Variants in DNM3 observed in about 807,000 individuals in gnomAD.
DNM3 encodes dynamin 3, also known as dynamin-3.
Under a neutral mutation model 101.6 loss-of-function variants are expected in DNM3, and 47 were observed. The ratio of observed to expected loss-of-function variants is 0.46; its 90% CI spans 0.37 to 0.59. The LOEUF is 0.59. Among genes scored for constraint, DNM3 ranks in the 20% least tolerant of loss-of-function variants. The pLI, the probability that DNM3 is intolerant of heterozygous loss-of-function variation, is 0.00. For synonymous variants in DNM3, 385 were observed against 387.9 expected, an observed-to-expected ratio of 0.99 and a Z score of 0.09; for missense variants, 849 against 1,085.7, an observed-to-expected ratio of 0.78 and a Z score of 3.06.
At chr1:172,009,117 C>T (rs1219492058) in intron 4 of DNM3, among the ~76,000 whole-genome samples, 24 of 125,128 alleles carry the variant, frequency 1.9e-4, no homozygotes, top group African/African-American at 1.5e-4. Flanking sequence ...TATTATATAT[C>T]ATATAATATA....
intron 7 of DNM3, 78 bp from the exon 8 acceptor site, chr1:172,041,931 A>C (rs1443966666): frequency 2.0e-6 from 3 of 1,464,128 alleles, no homozygotes; most frequent in Non-Finnish European, 2.7e-6. Context: ...ATTCTAAGGA[A>C]TAATCATAGG....
At chr1:172,378,242 C>G (rs2068714548) in intron 17 of DNM3, 1 of 152,036 alleles carries the variant, frequency 6.6e-6, no homozygotes, top group Non-Finnish European at 1.5e-5. Flanking sequence ...GATGAAGAAG[C>G]CATTCCAGCT....
intron 15 of DNM3, among the ~76,000 whole-genome samples, chr1:172,272,852 A>G (rs1191302279): frequency 1.3e-5 from 2 of 152,048 alleles, no homozygotes; most frequent in Non-Finnish European, 2.9e-5. Context: ...AAGCTTTTAG[A>G]CTCTCAGCTA....
intron 20 of DNM3, 28 bp from the exon 21 acceptor site, chr1:172,407,744 C>A: frequency 6.2e-7 from 1 of 1,607,762 alleles, no homozygotes; most frequent in Non-Finnish European, 8.5e-7. Context: ...CTACTTGTTT[C>A]TTTACCTTTC....
intron 13 of DNM3, among the ~76,000 whole-genome samples, chr1:172,101,709 C>T (rs1269233032): frequency 6.6e-6 from 1 of 151,924 alleles, no homozygotes; most frequent in Non-Finnish European, 1.5e-5. Flanking sequence ...AATGATAGCA[C>T]CAGGATTCAA....
At chr1:172,068,744 C>T in intron 10 of DNM3, 75 bp from the exon 11 acceptor site, 1 of 1,271,316 alleles carries the variant, frequency 7.9e-7, no homozygotes, top group Non-Finnish European at 1.1e-6. Flanking sequence ...TGTAAAATAA[C>T]ATAATTTATC....
rs192915880 is a variant in DNM3, at chr1:172,232,230, G to A, written c.1660-21343G>A. Among the ~76,000 whole-genome samples, 631 of 152,160 alleles carry A rather than the reference G, an allele frequency of 4.1e-3. 11 individuals carry two copies. The highest frequency in any genetic ancestry group is 0.014 in the African/African-American group (593 of 41,494). On this transcript the variant is annotated intron_variant, in intron 14 of 20. Transcript: ENST00000627582. ...AAATGGAAAACAAAAAAAGGCAGGG[G>A]TTTCAATCCTAATCTCTGATAAAAC...
intron 20 of DNM3, among the ~76,000 whole-genome samples, chr1:172,406,973 T>G (rs980481244): frequency 2.7e-5 from 4 of 150,228 alleles, no homozygotes. Flanking sequence ...CTAAAAAAAC[T>G]TATTAATATA....
At chr1:172,133,199 GC>G in intron 14 of DNM3, 1 of 1,255,820 alleles carries the variant, frequency 8.0e-7, no homozygotes. Flanking sequence ...CTGAAAATAA[GC>G]CCATTGGAAG....
intron 13 of DNM3, among the ~76,000 whole-genome samples, chr1:172,102,829 T>G (rs1246219504): frequency 1.3e-5 from 2 of 152,170 alleles, no homozygotes; most frequent in Non-Finnish European, 2.9e-5. Flanking sequence ...AAGTGTGGTG[T>G]GTTTGATTCC....
intron 10 of DNM3, among the ~76,000 whole-genome samples, chr1:172,066,478 A>G (rs1352485788): frequency 1.3e-5 from 2 of 151,980 alleles, no homozygotes; most frequent in African/African-American, 2.4e-5. Flanking sequence ...TCTTCTTATA[A>G]AGCTACCAGT....
At chr1:172,182,136 G>C (rs1466529295) in intron 14 of DNM3, among the ~76,000 whole-genome samples, 3 of 151,378 alleles carry the variant, frequency 2.0e-5, no homozygotes, top group Admixed American at 1.3e-4. Flanking sequence ...ATCAAGCTGG[G>C]ACGTGAAGTC....
At chr1:171,859,762 C>A (rs1395717859) in intron 1 of DNM3, among the ~76,000 whole-genome samples, 1 of 152,112 alleles carries the variant, frequency 6.6e-6, no homozygotes, top group Non-Finnish European at 1.5e-5. Context: ...TAGAACATGA[C>A]AGAGAGTGAC....
chr1:172,399,296 A>G (rs2070278736), intron 20 of DNM3, among the ~76,000 whole-genome samples: 1 of 152,168 alleles, frequency 6.6e-6, no homozygotes, highest in African/African-American at 2.4e-5. Context: ...TCAACCAACA[A>G]TGAAAATTCT....
chr1:172,019,022 T>TTTGCC (rs796852385), intron 4 of DNM3, among the ~76,000 whole-genome samples: 1 of 61,506 alleles, frequency 1.6e-5, no homozygotes, highest in Non-Finnish European at 2.8e-5. Context: ...CCTCCCTTCC[T>TTTGCC]CCCTCCCTTC....
intron 15 of DNM3, among the ~76,000 whole-genome samples, chr1:172,279,168 G>C (rs939935865): frequency 3.9e-5 from 6 of 152,116 alleles, no homozygotes; most frequent in African/African-American, 7.2e-5. Flanking sequence ...AAAATAATTG[G>C]AAGCATTTTT....
chr1:172,407,199 C>T (rs2070957295), intron 20 of DNM3, among the ~76,000 whole-genome samples: 1 of 99,764 alleles, frequency 1.0e-5, no homozygotes, highest in Admixed American at 1.4e-4. Context: ...ACTAGAGCTC[C>T]TGCAATTTAA....
At chr1:171,950,487 A>G (rs781689710) in intron 2 of DNM3, among the ~76,000 whole-genome samples, 2 of 152,182 alleles carry the variant, frequency 1.3e-5, no homozygotes, top group Non-Finnish European at 2.9e-5. Context: ...GTGCATTTAT[A>G]GTAGGCTAGG....
chr1:172,334,960 A>G (rs2066353341), intron 17 of DNM3, among the ~76,000 whole-genome samples: 1 of 152,208 alleles, frequency 6.6e-6, no homozygotes, highest in African/African-American at 2.4e-5. Context: ...AAAAAGTAAA[A>G]TATTTCTGTA....
Sources: allele counts gnomAD v4.1 joint callset (sites outside exome capture counted in the v4.1 genomes callset), GRCh38; gene constraint gnomAD v4.1.1; transcripts MANE v1.5; gene names NCBI Gene and HGNC (gene_info 2026-07-23, HGNC 2026-07-21).